ALCAM: variants seen among roughly 807,000 people sequenced by gnomAD.
ALCAM encodes the protein activated leukocyte cell adhesion molecule.
ALCAM carries 30 observed loss-of-function variants against 70.9 expected under a neutral mutation model. That is an observed-to-expected ratio of 0.42 (90% CI 0.32 to 0.57). ALCAM has a LOEUF of 0.57. ALCAM is among the 20% of genes least tolerant of loss of function. The probability of loss-of-function intolerance (pLI) is 0.11; values close to 1 mark genes in which losing one functional copy is unlikely to be tolerated. For synonymous variants in ALCAM, 249 were observed against 242.5 expected (o/e 1.03, Z -0.25); for missense variants, 591 against 695.1 (o/e 0.85, Z 1.68).
At chr3:105,526,516 A>G (rs1431241700) in intron 3 of ALCAM, among the ~76,000 whole-genome samples, 1 of 152,106 alleles carries the variant, frequency 6.6e-6, no homozygotes, top group African/African-American at 2.4e-5. Flanking sequence ...GTTGTTGAAA[A>G]CAAAGTGATT....
chr3:105,558,711 G>A (rs1270874139), intron 14 of ALCAM, among the ~76,000 whole-genome samples: 3 of 152,086 alleles, frequency 2.0e-5, no homozygotes, highest in African/African-American at 7.2e-5. Flanking sequence ...ACAGAATGAG[G>A]AGTTGAGACT....
intron 1 of ALCAM, among the ~76,000 whole-genome samples, chr3:105,405,607 A>T (rs998871012): frequency 1.3e-5 from 2 of 152,210 alleles, no homozygotes; most frequent in Non-Finnish European, 1.5e-5. Flanking sequence ...TATACATTCT[A>T]TTCATCAGCA....
intron 1 of ALCAM, among the ~76,000 whole-genome samples, chr3:105,516,144 T>C (rs9832489): frequency 0.081 from 12,308 of 151,836 alleles, 627 homozygotes; most frequent in Non-Finnish European, 0.12. Flanking sequence ...TTTTCTGTAT[T>C]ATTTGATGTT....
chr3:105,522,925 G>A (rs995197771), intron 2 of ALCAM, among the ~76,000 whole-genome samples: 8 of 152,068 alleles, frequency 5.3e-5, no homozygotes, highest in African/African-American at 1.9e-4. Flanking sequence ...GGATCACGAG[G>A]TCAGGAGATC....
At chr3:105,396,109 A>G (rs1049430440) in intron 1 of ALCAM, among the ~76,000 whole-genome samples, 1 of 152,008 alleles carries the variant, frequency 6.6e-6, no homozygotes, top group Non-Finnish European at 1.5e-5. Context: ...ACTGCCTACT[A>G]TAGCATTTTT....
At chr3:105,502,333 TA>T (rs1938943075) in intron 1 of ALCAM, among the ~76,000 whole-genome samples, 2 of 152,184 alleles carry the variant, frequency 1.3e-5, no homozygotes, top group African/African-American at 4.8e-5. Flanking sequence ...GAATTTTTTT[TA>T]AAAAATTCTT....
intron 1 of ALCAM, among the ~76,000 whole-genome samples, chr3:105,453,473 G>C (rs1937483923): frequency 6.6e-6 from 1 of 152,086 alleles, no homozygotes; most frequent in African/African-American, 2.4e-5. Context: ...TTGGTTACTG[G>C]AGCCTTGTAG....
chr3:105,375,165 C>T (rs926789723), intron 1 of ALCAM, among the ~76,000 whole-genome samples: 1 of 152,132 alleles, frequency 6.6e-6, no homozygotes, highest in Non-Finnish European at 1.5e-5. Flanking sequence ...TCTTTTGGTG[C>T]TATCTTGCTT....
intron 1 of ALCAM, among the ~76,000 whole-genome samples, chr3:105,428,344 A>C (rs1936843847): frequency 6.6e-6 from 1 of 151,956 alleles, no homozygotes; most frequent in South Asian, 2.1e-4. Context: ...TTTCAACTTT[A>C]ATTTTCACCC....
intron 1 of ALCAM, among the ~76,000 whole-genome samples, chr3:105,493,620 G>A (rs1419026810): frequency 6.6e-6 from 1 of 152,152 alleles, no homozygotes; most frequent in Non-Finnish European, 1.5e-5. Context: ...AGCAGGACAA[G>A]GAACACATGC....
intron 1 of ALCAM, chr3:105,440,779 T>C (rs1299804897): frequency 6.6e-6 from 1 of 152,226 alleles, no homozygotes; most frequent in Non-Finnish European, 1.5e-5. Flanking sequence ...AATTACCTCA[T>C]GGGATAACCA....
At chr3:105,407,607 C>A (rs901784358) in intron 1 of ALCAM, among the ~76,000 whole-genome samples, 1 of 152,100 alleles carries the variant, frequency 6.6e-6, no homozygotes, top group Non-Finnish European at 1.5e-5. Flanking sequence ...AACCCACAGC[C>A]AACATCATAC....
At chr3:105,467,979 G>C (rs1212824193) in intron 1 of ALCAM, among the ~76,000 whole-genome samples, 3 of 151,098 alleles carry the variant, frequency 2.0e-5, no homozygotes, top group African/African-American at 7.3e-5. Flanking sequence ...CCTTCAATGT[G>C]GTTGATTTTT....
intron 14 of ALCAM, among the ~76,000 whole-genome samples, chr3:105,562,033 A>G (rs1940639993): frequency 6.6e-6 from 1 of 152,160 alleles, no homozygotes; most frequent in African/African-American, 2.4e-5. Flanking sequence ...TCAGGCTGAT[A>G]TCACATAGCT....
At chr3:105,419,002 A>G (rs1436467698) in intron 1 of ALCAM, among the ~76,000 whole-genome samples, 3 of 151,724 alleles carry the variant, frequency 2.0e-5, no homozygotes, top group Non-Finnish European at 4.4e-5. Context: ...GATACATCCT[A>G]CTTTCTTTAG....
chr3:105,408,383 C>T (rs565253497), intron 1 of ALCAM, among the ~76,000 whole-genome samples: 1 of 152,022 alleles, frequency 6.6e-6, no homozygotes, highest in South Asian at 2.1e-4. Flanking sequence ...AATAGAAAAC[C>T]CAGAAATAAA....
intron 1 of ALCAM, among the ~76,000 whole-genome samples, chr3:105,420,747 G>T (rs1431541684): frequency 2.0e-5 from 3 of 151,516 alleles, no homozygotes; most frequent in Non-Finnish European, 4.4e-5. Flanking sequence ...GAGTAGCACA[G>T]ATGACAGGCA....
chr3:105,519,940 ATAAAAC>A (rs1307759905), intron 1 of ALCAM, 121 bp from the exon 2 acceptor site: 1 of 551,496 alleles, frequency 1.8e-6, no homozygotes, highest in African/African-American at 1.9e-5. Context: ...ACCATTTAAA[ATAAAAC>A]TATAGCAGAT....
At chr3:105,426,539 T>C (rs956424488) in intron 1 of ALCAM, among the ~76,000 whole-genome samples, 3 of 151,924 alleles carry the variant, frequency 2.0e-5, no homozygotes, top group African/African-American at 7.2e-5. Flanking sequence ...TTTTAAAATA[T>C]GGAATACATT....
Sources: allele counts gnomAD v4.1 joint callset (sites outside exome capture counted in the v4.1 genomes callset), GRCh38; gene constraint gnomAD v4.1.1; transcripts MANE v1.5; gene names NCBI Gene and HGNC (gene_info 2026-07-23, HGNC 2026-07-21).